Variants in HAO1 observed in about 807,000 individuals in gnomAD.
The protein encoded by HAO1 is 2-Hydroxyacid oxidase 1.
A neutral mutation model predicts 39.7 loss-of-function variants in HAO1; 34 were observed. That is an observed-to-expected ratio of 0.86 (90% confidence interval 0.65 to 1.14). HAO1 has a LOEUF of 1.14. Among genes scored for constraint, HAO1 ranks in the 50% most tolerant of loss-of-function variants. HAO1 has a pLI of 0.00. For synonymous variants in HAO1, 172 were observed against 173.2 expected (o/e 0.99, Z 0.05); for missense variants, 479 against 464.5 (o/e 1.03, Z -0.29).
intron 2 of HAO1, among the ~76,000 whole-genome samples, chr20:7,933,068 G>A (rs908654753): frequency 1.3e-5 from 2 of 151,912 alleles, no homozygotes; most frequent in Non-Finnish European, 2.9e-5. Flanking sequence ...CCATGTCTTT[G>A]CTTATTAATG....
chr20:7,924,303 A>G (rs1447588198), intron 2 of HAO1, among the ~76,000 whole-genome samples: 1 of 152,096 alleles, frequency 6.6e-6, no homozygotes, highest in Non-Finnish European at 1.5e-5. Context: ...TGAATAATAA[A>G]TAAAAATAAA....
chr20:7,912,521 A>T (rs945329918), intron 3 of HAO1, among the ~76,000 whole-genome samples: 1 of 152,288 alleles, frequency 6.6e-6, no homozygotes, highest in Non-Finnish European at 1.5e-5. Flanking sequence ...CCAAGGGGAA[A>T]TAATGAGAAA....
At chr20:7,934,366 G>A in intron 2 of HAO1, 118 bp downstream of exon 2, 1 of 689,326 alleles carries the variant, frequency 1.5e-6, no homozygotes. Context: ...TAGAGTCCAT[G>A]AGCTTAATGT....
At chr20:7,917,907 C>A (rs984475426) in intron 2 of HAO1, among the ~76,000 whole-genome samples, 1 of 152,190 alleles carries the variant, frequency 6.6e-6, no homozygotes. Context: ...AAACATTTTA[C>A]CCAAATCACT....
At position 7,940,452 on chromosome 20, in the gene HAO1, G is replaced by T; in HGVS notation, c.-30C>A. The T allele has an allele frequency of 1.9e-6, 3 of 1,548,674 alleles. No homozygotes were observed. The highest frequency in any genetic ancestry group is 1.4e-5 in the African/African-American group (1 of 69,924). ...ACAGGTTATTGCTATCCCAGATGGAGTTCGTTGTTTTTTTTTTTTTAATGT... is the reference window on the plus strand; with the variant it reads ...ACAGGTTATTGCTATCCCAGATGGATTTCGTTGTTTTTTTTTTTTTAATGT... On this transcript the variant is annotated 5_prime_UTR_variant, in exon 1 of 8. Transcript: ENST00000378789.
chr20:7,885,915 T>C, intron 5 of HAO1, 51 bp from the exon 6 acceptor site: 1 of 1,495,986 alleles, frequency 6.7e-7, no homozygotes, highest in Non-Finnish European at 9.3e-7. Flanking sequence ...TGAATTGTTA[T>C]TCAACTCCAC....
rs766140197 is a variant in HAO1 at position 7,885,852 on chromosome 20, G to C, written c.826C>G (p.Pro276Ala). The C allele has an allele frequency of 1.2e-6, 2 of 1,613,142 alleles. No homozygotes were observed. The highest frequency in any genetic ancestry group is 2.2e-5 in the South Asian group (2 of 91,010). ...DGVPATIDVL[P>A]EIVEAVEGKV... ...CCTTCCACAGCCTCCACAATTTCTGGCAGAACATCAATCTGGGGAAAGAAA... is the reference window on the plus strand; with the variant it reads ...CCTTCCACAGCCTCCACAATTTCTGCCAGAACATCAATCTGGGGAAAGAAA... The change falls in exon 6 of 8, where the codon CCA becomes GCA. Residue 276 changes from proline to alanine, a missense_variant. Coordinates refer to ENST00000378789, the MANE Select transcript of HAO1 (RefSeq NM_017545.3).
chr20:7,931,581 T>C (rs564729052), intron 2 of HAO1, among the ~76,000 whole-genome samples: 2 of 151,988 alleles, frequency 1.3e-5, no homozygotes, highest in South Asian at 4.1e-4. Context: ...AATGCTATAA[T>C]ACTCGTAATA....
intron 4 of HAO1, among the ~76,000 whole-genome samples, chr20:7,904,863 C>A (rs2050240091): frequency 6.6e-6 from 1 of 152,188 alleles, no homozygotes; most frequent in East Asian, 1.9e-4. Flanking sequence ...CAGTTGAATG[C>A]AGCCACAGTA....
At position 7,895,117 on chromosome 20, in the gene HAO1, G is replaced by A. The variant is rs371707902; in HGVS notation, c.813+16C>T. 9.5e-5 allele frequency: 145 copies of A among 1,523,786 alleles called. No homozygotes were observed. Among genetic ancestry groups the A allele is most frequent in the African/African-American group, 8.9e-4 (65 of 73,366 alleles). 94.4% of individuals were successfully genotyped at this position (1,523,786 alleles called of 1,614,324 possible). A position where few individuals can be genotyped will look rare whatever the true frequency, so the allele number is the denominator to read the frequency against. ...GGGAACTCCAAAAGGAAATCTTAGC[G>A]TCTGCCAAAACTCACAGTGGCTGGC... On this transcript the variant is annotated intron_variant, in intron 5 of 7. Transcript: ENST00000378789.
chr20:7,908,178 T>C (rs2050257403), intron 3 of HAO1, among the ~76,000 whole-genome samples: 1 of 151,970 alleles, frequency 6.6e-6, no homozygotes, highest in South Asian at 2.1e-4. Flanking sequence ...TCACCTGAGG[T>C]CAGGAGTTCA....
At chr20:7,933,713 A>G (rs1424216249) in intron 2 of HAO1, among the ~76,000 whole-genome samples, 1 of 152,240 alleles carries the variant, frequency 6.6e-6, no homozygotes, top group Non-Finnish European at 1.5e-5. Flanking sequence ...TAGCATCAAA[A>G]TAATTCATTT....
chr20:7,928,998 C>T (rs965510735), intron 2 of HAO1, among the ~76,000 whole-genome samples: 1 of 152,164 alleles, frequency 6.6e-6, no homozygotes, highest in Non-Finnish European at 1.5e-5. Flanking sequence ...TGGCTGCCCC[C>T]TTCTGATGGA....
chr20:7,893,170 C>T (rs540118612), intron 5 of HAO1, among the ~76,000 whole-genome samples: 1 of 152,262 alleles, frequency 6.6e-6, no homozygotes, highest in Admixed American at 6.5e-5. Context: ...TCCCAAAACT[C>T]TCCCACTCCC....
intron 4 of HAO1, among the ~76,000 whole-genome samples, chr20:7,897,181 T>C (rs916879707): frequency 1.3e-5 from 2 of 152,210 alleles, no homozygotes; most frequent in African/African-American, 4.8e-5. Flanking sequence ...ATGCAAGGAC[T>C]GACACCAGTT....
chr20:7,915,540 G>A (rs1398020296), intron 2 of HAO1, among the ~76,000 whole-genome samples: 1 of 152,132 alleles, frequency 6.6e-6, no homozygotes, highest in Non-Finnish European at 1.5e-5. Context: ...ACAAACACAT[G>A]AGCCAATTCC....
At chr20:7,886,006 T>C in intron 5 of HAO1, 142 bp from the exon 6 acceptor site, 1 of 620,392 alleles carries the variant, frequency 1.6e-6, no homozygotes. Context: ...TAAAATTATT[T>C]CCTTCTCAAA....
intron 4 of HAO1, among the ~76,000 whole-genome samples, chr20:7,904,149 T>C (rs1250903621): frequency 6.6e-6 from 1 of 152,212 alleles, no homozygotes; most frequent in Non-Finnish European, 1.5e-5. Context: ...CCTTAGTGTT[T>C]TAAAGCCAGA....
intron 7 of HAO1, among the ~76,000 whole-genome samples, chr20:7,884,669 T>C (rs2050143020): frequency 6.6e-6 from 1 of 152,164 alleles, no homozygotes; most frequent in East Asian, 1.9e-4. Context: ...AAATGTCACA[T>C]GGGCAGAATA....
Sources: gnomAD v4.1 joint callset for allele counts (sites outside exome capture counted in the v4.1 genomes callset) on GRCh38, gnomAD v4.1.1 for gene constraint, MANE v1.5 for transcripts, NCBI Gene and HGNC (gene_info 2026-07-23, HGNC 2026-07-21) for gene names.